The following ABCA13 variants were observed in gnomAD, a reference collection of about 807,000 sequenced individuals.
ABCA13 encodes ATP-binding cassette sub-family A member 13.
In ABCA13, 476 loss-of-function variants were observed where a neutral mutation model predicts 478.7. The observed-to-expected ratio is 0.99, with a 90% CI of 0.92 to 1.07. The LOEUF (loss-of-function observed/expected upper bound fraction) is 1.07, where lower values mean the gene tolerates loss of function less well. Ranked by LOEUF, ABCA13 falls within the 50% of genes least tolerant of loss-of-function variation. The probability of loss-of-function intolerance (pLI) is 0.00; values close to 1 mark genes in which losing one functional copy is unlikely to be tolerated. For synonymous variants in ABCA13, 2,252 were observed against 2,158.9 expected (o/e 1.04, Z -1.20); for missense variants, 6,060 against 5,910.6 (o/e 1.03, Z -0.83).
chr7:48,615,845 G>T (rs574427458), intron 59 of ABCA13, among the ~76,000 whole-genome samples: 1 of 152,200 alleles, frequency 6.6e-6, no homozygotes, highest in South Asian at 2.1e-4. Context: ...GGTTGTTATG[G>T]TTGCTTTCCA....
At chr7:48,385,973 C>T (rs1815120388) in intron 35 of ABCA13, among the ~76,000 whole-genome samples, 1 of 152,138 alleles carries the variant, frequency 6.6e-6, no homozygotes, top group Admixed American at 6.6e-5. Context: ...AGAAGTGTCT[C>T]TTTATATCCC....
chr7:48,537,530 C>A (rs116018629), intron 55 of ABCA13, among the ~76,000 whole-genome samples: 1 of 152,064 alleles, frequency 6.6e-6, no homozygotes, highest in Non-Finnish European at 1.5e-5. Context: ...TTATCCCTGA[C>A]GCAGGTAGCC....
intron 29 of ABCA13, among the ~76,000 whole-genome samples, chr7:48,349,211 C>T (rs1016722322): frequency 6.6e-6 from 1 of 152,214 alleles, no homozygotes; most frequent in African/African-American, 2.4e-5. Context: ...TATCAGAAAT[C>T]CAGCCTTCCC....
Position 48,240,901 on chromosome 7 carries a change from A to G in ABCA13, c.1097A>G (p.Gln366Arg). Residue 366 changes from glutamine (Q) to arginine (R), a missense_variant, in exon 10 of 62, where the codon CAG (glutamine) becomes CGG (arginine). This residue lies in a region of ABCA13 where 4,423 missense variants were observed against 4,309.1 expected (regional missense o/e 1.03). Coordinates refer to ENST00000435803, the MANE Select transcript of ABCA13 (RefSeq NM_152701.5). Reference sequence around the variant, plus strand: ...CAGTGGCAACAGGGTAGCCTGCTTCAGAAGACACTCACAGGCATGGGCCAT... The same window carrying G: ...CAGTGGCAACAGGGTAGCCTGCTTCGGAAGACACTCACAGGCATGGGCCAT... ...FVQWQQGSLLQKTLTGMGHSL... is the reference protein window; with the variant it reads ...FVQWQQGSLLRKTLTGMGHSL... 2 of 1,594,968 alleles carry G rather than the reference A, an allele frequency of 1.3e-6. No individual in the cohort carries two copies. The highest frequency in any genetic ancestry group is 1.7e-6 in the Non-Finnish European group (2 of 1,168,312).
intron 44 of ABCA13, 150 bp downstream of exon 44, chr7:48,467,195 GA>G: frequency 1.3e-6 from 1 of 754,498 alleles, no homozygotes; most frequent in African/African-American, 1.7e-5. Flanking sequence ...GGTTATTACT[GA>G]ATGGGCCTTA....
chr7:48,383,535 G>C (rs1222453148), intron 35 of ABCA13, among the ~76,000 whole-genome samples: 2 of 152,160 alleles, frequency 1.3e-5, no homozygotes, highest in Non-Finnish European at 2.9e-5. Context: ...AAATGTGAAG[G>C]TGTTCAATGA....
At chr7:48,301,480 A>C (rs1800148917) in intron 23 of ABCA13, among the ~76,000 whole-genome samples, 1 of 152,064 alleles carries the variant, frequency 6.6e-6, no homozygotes, top group African/African-American at 2.4e-5. Flanking sequence ...GTTCTTGGTG[A>C]AACTCATTTC....
chr7:48,293,427 A>G (rs1219790617), intron 20 of ABCA13, among the ~76,000 whole-genome samples: 2 of 152,260 alleles, frequency 1.3e-5, no homozygotes, highest in Non-Finnish European at 2.9e-5. Context: ...CGACAGAAAT[A>G]TTATCTAAGT....
In ABCA13 at chr7:48,273,459, C is replaced by T. The variant is rs1182692668; in HGVS notation, c.3793C>T (p.His1265Tyr). 1 of 1,611,316 alleles carries T rather than the reference C, an allele frequency of 6.2e-7. No individual in the cohort carries two copies. Among genetic ancestry groups the T allele is most frequent in the African/African-American group, 1.3e-5 (1 of 74,882 alleles). ...CCTTTTCACCATGGAAGCTGCCCTG[C>T]ATCAGTTGAAGACATTTCCATTCAA... ...KSLFTMEAAL[H>Y]QLKTFPFNES... The change falls in exon 17 of 62, where the codon CAT becomes TAT. Residue 1265 changes from histidine (H) to tyrosine (Y), a missense_variant. By Grantham distance (83) the His-to-Tyr change is moderately conservative (BLOSUM62 2). Transcript: ENST00000435803.
At chr7:48,172,627 C>G (rs1329499641) in intron 1 of ABCA13, among the ~76,000 whole-genome samples, 2 of 151,064 alleles carry the variant, frequency 1.3e-5, no homozygotes, top group African/African-American at 2.4e-5. Context: ...AACCCCGTCT[C>G]TACTAAAAAA....
intron 3 of ABCA13, among the ~76,000 whole-genome samples, chr7:48,216,099 G>A (rs939412224): frequency 6.6e-6 from 1 of 152,134 alleles, no homozygotes; most frequent in African/African-American, 2.4e-5. Flanking sequence ...ATAAATGTAT[G>A]TTTTTGTTTC....
chr7:48,182,018 T>C (rs1268844148), intron 1 of ABCA13, among the ~76,000 whole-genome samples: 1 of 152,232 alleles, frequency 6.6e-6, no homozygotes, highest in Middle Eastern at 3.4e-3. Context: ...TATGGAGCAC[T>C]TGATGTCCTG....
chr7:48,466,843 A>G (rs77926607), intron 43 of ABCA13, 113 bp from the exon 44 acceptor site: 13,603 of 953,464 alleles, frequency 0.014, 124 homozygotes, highest in Non-Finnish European at 0.018. Context: ...AGGAATCATT[A>G]GATGGATCAG....
At chr7:48,225,622 C>T (rs746817925) in intron 5 of ABCA13, among the ~76,000 whole-genome samples, 13 of 152,126 alleles carry the variant, frequency 8.5e-5, no homozygotes, top group Non-Finnish European at 1.6e-4. Context: ...TTTATTTCAT[C>T]ATGATTTTTG....
rs920837284 is a variant in ABCA13 at position 48,185,725 on chromosome 7, CTT to C, written c.70-7228_70-7227del. Among the ~76,000 whole-genome samples, 4 of 152,076 alleles carry C rather than the reference CTT, an allele frequency of 2.6e-5. No individual in the cohort carries two copies. In the South Asian group the frequency reaches 8.3e-4, roughly 32 times the overall value. ...ACAAATCATATGTTATTTAAAAACA[CTT>C]TTTTTGATTAATACTTGCTGTTGTA... On this transcript the variant is annotated intron_variant, in intron 1 of 61. Transcript: ENST00000435803.
At chr7:48,199,495 G>T (rs967936717) in intron 3 of ABCA13, among the ~76,000 whole-genome samples, 1 of 152,080 alleles carries the variant, frequency 6.6e-6, no homozygotes, top group Non-Finnish European at 1.5e-5. Context: ...ATTCACGAAG[G>T]CTCTGTCCTC....
At chr7:48,465,839 A>G (rs1826820107) in intron 43 of ABCA13, among the ~76,000 whole-genome samples, 1 of 150,556 alleles carries the variant, frequency 6.6e-6, no homozygotes, top group South Asian at 2.1e-4. Flanking sequence ...TCTCTCCCCT[A>G]TTCTTCCCAG....
At chr7:48,471,852 AT>A (rs1827540402) in intron 45 of ABCA13, among the ~76,000 whole-genome samples, 1 of 152,220 alleles carries the variant, frequency 6.6e-6, no homozygotes, top group Admixed American at 6.5e-5. Flanking sequence ...CCTGGCATTC[AT>A]TAAGAAAATG....
chr7:48,462,681 G>A (rs1332062576), intron 43 of ABCA13, among the ~76,000 whole-genome samples: 3 of 152,048 alleles, frequency 2.0e-5, no homozygotes, highest in African/African-American at 7.2e-5. Flanking sequence ...GCTCATTTTT[G>A]TATTTTTAAT....
Sources: allele counts gnomAD v4.1 joint callset (sites outside exome capture counted in the v4.1 genomes callset), GRCh38; gene constraint gnomAD v4.1.1; regional missense constraint gnomAD v4.1.1; transcripts MANE v1.5; gene names NCBI Gene and HGNC (gene_info 2026-07-23, HGNC 2026-07-21).